The following LMX1A variants were observed in gnomAD, a reference collection of about 807,000 sequenced individuals.
The protein encoded by LMX1A is LIM homeobox transcription factor 1 alpha.
A neutral mutation model predicts 49.1 loss-of-function variants in LMX1A; 15 were observed. That is an observed-to-expected ratio of 0.31 (90% CI 0.20 to 0.47). The LOEUF (loss-of-function observed/expected upper bound fraction) is 0.47. Among genes scored for constraint, LMX1A ranks in the 20% least tolerant of loss-of-function variants. LMX1A has a pLI of 1.00. For synonymous variants in LMX1A, 167 were observed against 185.7 expected (o/e 0.90, Z 0.82); for missense variants, 372 against 475.8 (o/e 0.78, Z 2.03).
At chr1:165,266,500 GGGA>G (rs1653621839) in intron 3 of LMX1A, among the ~76,000 whole-genome samples, 2 of 152,014 alleles carry the variant, frequency 1.3e-5, no homozygotes, top group Non-Finnish European at 1.5e-5. Flanking sequence ...GTAAATCACA[GGGA>G]GGAGTTCAAC....
chr1:165,217,060 T>A (rs1651666169), intron 4 of LMX1A, among the ~76,000 whole-genome samples: 1 of 152,158 alleles, frequency 6.6e-6, no homozygotes, highest in Admixed American at 6.5e-5. Flanking sequence ...GTGTTGTCAG[T>A]TAATTACAGT....
At chr1:165,247,678 C>T (rs1557862350) in intron 4 of LMX1A, among the ~76,000 whole-genome samples, 1 of 152,210 alleles carries the variant, frequency 6.6e-6, no homozygotes, top group Non-Finnish European at 1.5e-5. Flanking sequence ...GATGCTAACA[C>T]TGACTAGTGG....
intron 3 of LMX1A, among the ~76,000 whole-genome samples, chr1:165,321,782 T>A (rs1655391972): frequency 6.6e-6 from 1 of 152,158 alleles, no homozygotes; most frequent in South Asian, 2.1e-4. Context: ...TTGAAAACTT[T>A]TCTGCATCGA....
At chr1:165,341,015 T>A (rs183513991) in intron 3 of LMX1A, among the ~76,000 whole-genome samples, 11 of 152,322 alleles carry the variant, frequency 7.2e-5, no homozygotes, top group African/African-American at 2.4e-5. Flanking sequence ...CTAAGTGGTC[T>A]CTGCCAGTCT....
chr1:165,319,281 T>C (rs1206353834), intron 3 of LMX1A, among the ~76,000 whole-genome samples: 1 of 152,122 alleles, frequency 6.6e-6, no homozygotes, highest in Non-Finnish European at 1.5e-5. Context: ...AAAATAGTTA[T>C]GATGTGCAAA....
Position 165,251,349 on chromosome 1 carries a change from C to T in LMX1A, c.264-1709G>A, listed in dbSNP as rs542043803. Among the ~76,000 whole-genome samples, 5 of 152,286 alleles carry T rather than the reference C, an allele frequency of 3.3e-5. No individual in the cohort carries two copies. The South Asian group carries it at 1.0e-3, about 32-fold the overall frequency. On this transcript the variant is annotated intron_variant, in intron 3 of 8. Transcript: ENST00000342310. ...CCTCCCACCTCGGCCTCCCAAAGTGCTAGGATTATAGGCATGAGCCACTGC... is the reference window on the plus strand; with the variant it reads ...CCTCCCACCTCGGCCTCCCAAAGTGTTAGGATTATAGGCATGAGCCACTGC...
chr1:165,286,762 C>G (rs1284291889), intron 3 of LMX1A, among the ~76,000 whole-genome samples: 1 of 134,532 alleles, frequency 7.4e-6, no homozygotes, highest in Non-Finnish European at 1.6e-5. Context: ...GACCAGGATT[C>G]AAACCCAGCC....
chr1:165,232,087 T>C (rs371212579), intron 4 of LMX1A, among the ~76,000 whole-genome samples: 1 of 152,140 alleles, frequency 6.6e-6, no homozygotes, highest in Non-Finnish European at 1.5e-5. Context: ...AAAAGTGAAG[T>C]ACCGGGTTGG....
At chr1:165,285,696 G>T (rs1050214104) in intron 3 of LMX1A, among the ~76,000 whole-genome samples, 4 of 152,180 alleles carry the variant, frequency 2.6e-5, no homozygotes, top group Non-Finnish European at 4.4e-5. Flanking sequence ...GCTAGAAGTA[G>T]GGAAGCATTC....
chr1:165,220,507 C>A (rs74485184), intron 4 of LMX1A, among the ~76,000 whole-genome samples: 2,152 of 152,202 alleles, frequency 0.014, 51 homozygotes, highest in African/African-American at 0.049. Context: ...TGGAGCCTTC[C>A]ACCTAACCGA....
intron 3 of LMX1A, among the ~76,000 whole-genome samples, chr1:165,269,930 C>T (rs147964754): frequency 2.0e-5 from 3 of 152,096 alleles, no homozygotes; most frequent in East Asian, 3.9e-4. Context: ...GGGAAAAGAG[C>T]TAATGAATGC....
At chr1:165,210,583 A>C in intron 6 of LMX1A, 116 bp downstream of exon 6, 1 of 584,432 alleles carries the variant, frequency 1.7e-6, no homozygotes, top group Non-Finnish European at 2.9e-6. Flanking sequence ...GAATCAAGAG[A>C]ACTACTCTAT....
intron 4 of LMX1A, among the ~76,000 whole-genome samples, chr1:165,217,387 G>C (rs1476207289): frequency 6.6e-6 from 1 of 152,206 alleles, no homozygotes; most frequent in Non-Finnish European, 1.5e-5. Context: ...AACCAACAAA[G>C]AGAGGGGAGG....
chr1:165,337,907 T>TGTGTGTGTGTGTGTGTG (rs1553213782), intron 3 of LMX1A, among the ~76,000 whole-genome samples: 1 of 151,510 alleles, frequency 6.6e-6, no homozygotes, highest in Admixed American at 6.6e-5. Context: ...TGTGTGTGTG[T>TGTGTGTGTGTGTGTGTG]TACTACCCCA....
chr1:165,249,689 T>G, intron 3 of LMX1A, 49 bp from the exon 4 acceptor site: 1 of 1,499,610 alleles, frequency 6.7e-7, no homozygotes, highest in South Asian at 1.2e-5. Flanking sequence ...AAAATCTGGC[T>G]TGGTCCTGGG....
At chr1:165,344,260 C>T (rs569543462) in intron 3 of LMX1A, among the ~76,000 whole-genome samples, 1 of 152,300 alleles carries the variant, frequency 6.6e-6, no homozygotes, top group Admixed American at 6.5e-5. Flanking sequence ...CATGGCACTG[C>T]CAACTGGTTT....
Position 165,274,719 on chromosome 1 carries a change from G to A in LMX1A, c.264-25079C>T, listed in dbSNP as rs573106821. On this transcript the variant is annotated intron_variant, in intron 3 of 8. Transcript: ENST00000342310. ...ATGTCCCTTGAAACTTTATGGCATC[G>A]TTGCCATGGCGGTCACGGATGTAAC... is the stretch of plus-strand genomic sequence containing the variant. Among the ~76,000 whole-genome samples the A allele has an allele frequency of 1.3e-4, 20 of 152,270 alleles. No homozygotes were observed. The East Asian group carries it at 1.9e-3, about 15-fold the overall frequency.
chr1:165,262,557 CT>C (rs1411943552), intron 3 of LMX1A, among the ~76,000 whole-genome samples: 1 of 152,208 alleles, frequency 6.6e-6, no homozygotes, highest in African/African-American at 2.4e-5. Flanking sequence ...GCTCAAGTCT[CT>C]TCATATTGAC....
At chr1:165,352,824 G>A (rs1656472186) in intron 3 of LMX1A, among the ~76,000 whole-genome samples, 1 of 152,250 alleles carries the variant, frequency 6.6e-6, no homozygotes, top group South Asian at 2.1e-4. Flanking sequence ...GAAAGCAGGC[G>A]AGCAGACCGT....
Sources: allele counts gnomAD v4.1 joint callset (sites outside exome capture counted in the v4.1 genomes callset), GRCh38; gene constraint gnomAD v4.1.1; transcripts MANE v1.5; gene names NCBI Gene and HGNC (gene_info 2026-07-23, HGNC 2026-07-21).